Variants in SNX29 observed in about 807,000 individuals in gnomAD.
SNX29 encodes the protein sorting nexin-29.
In SNX29, 78 loss-of-function variants were observed where a neutral mutation model predicts 102.1. The observed-to-expected ratio is 0.76, with a 90% confidence interval of 0.64 to 0.92. The LOEUF is 0.92. Among genes scored for constraint, SNX29 ranks in the 40% least tolerant of loss-of-function variants. SNX29 has a pLI of 0.00. For missense variants in SNX29, 1,280 were observed against 1,061.7 expected (o/e 1.21, Z -2.86); for synonymous variants, 580 against 414.5 (o/e 1.40, Z -4.85).
At chr16:12,040,820 CA>C (rs1256071065) in intron 4 of SNX29, among the ~76,000 whole-genome samples, 1 of 152,156 alleles carries the variant, frequency 6.6e-6, no homozygotes, top group Non-Finnish European at 1.5e-5. Context: ...TACACTCATA[CA>C]ATATGATGTG....
intron 18 of SNX29, among the ~76,000 whole-genome samples, chr16:12,446,763 C>T (rs2086073384): frequency 6.6e-6 from 1 of 152,128 alleles, no homozygotes; most frequent in Non-Finnish European, 1.5e-5. Flanking sequence ...GAATCGGCTC[C>T]AGTATGTACT....
rs548617512 is a variant in SNX29, at chr16:12,328,124, C to G, written c.1783-28039C>G. 9.9e-5 allele frequency among the ~76,000 whole-genome samples: 15 copies of G among 152,240 alleles called. No homozygotes were observed. The East Asian group carries it at 2.7e-3, about 27-fold the overall frequency. ...GCTGCACATACCTCTCCCTTGTAGT[C>G]GTGGGAAGATTGAGAATCTGCATAT... On this transcript the variant is annotated intron_variant, in intron 15 of 20. Coordinates refer to ENST00000566228, the MANE Select transcript of SNX29 (RefSeq NM_032167.5).
intron 20 of SNX29, among the ~76,000 whole-genome samples, chr16:12,544,546 T>C (rs73508565): frequency 0.087 from 13,267 of 152,242 alleles, 884 homozygotes; most frequent in South Asian, 0.21. Context: ...GAACATTCTC[T>C]GGAATGTTAC....
At chr16:12,481,749 G>A (rs1283502893) in intron 19 of SNX29, among the ~76,000 whole-genome samples, 2 of 152,182 alleles carry the variant, frequency 1.3e-5, no homozygotes, top group Admixed American at 6.5e-5. Flanking sequence ...TGGCCAGGCT[G>A]TTCTCAAACT....
intron 3 of SNX29, among the ~76,000 whole-genome samples, chr16:12,011,020 G>T (rs2056631819): frequency 6.6e-6 from 1 of 151,940 alleles, no homozygotes; most frequent in African/African-American, 2.4e-5. Context: ...TTGAGGTGTT[G>T]ACTGGATGTT....
intron 17 of SNX29, 51 bp downstream of exon 17, chr16:12,398,552 T>C: frequency 1.2e-6 from 2 of 1,603,030 alleles, no homozygotes; most frequent in South Asian, 2.2e-5. Context: ...CTGGACTCTG[T>C]TGTTGGCTTC....
chr16:12,203,364 A>T (rs528603907), intron 14 of SNX29, among the ~76,000 whole-genome samples: 1 of 151,830 alleles, frequency 6.6e-6, no homozygotes, highest in African/African-American at 2.4e-5. Flanking sequence ...GACTGGTGGC[A>T]TTGGAGGTGA....
At chr16:12,546,063 C>G (rs940366315) in intron 20 of SNX29, among the ~76,000 whole-genome samples, 2 of 152,146 alleles carry the variant, frequency 1.3e-5, no homozygotes, top group Non-Finnish European at 1.5e-5. Flanking sequence ...GTGAAGCAGT[C>G]CTGGGTTTGA....
At chr16:12,535,678 A>G (rs746047465) in intron 20 of SNX29, among the ~76,000 whole-genome samples, 18 of 152,306 alleles carry the variant, frequency 1.2e-4, no homozygotes, top group Non-Finnish European at 2.2e-4. Context: ...GGGGCTTTCC[A>G]GGTCCTGCAT....
intron 16 of SNX29, among the ~76,000 whole-genome samples, chr16:12,390,100 A>G (rs7188646): frequency 0.029 from 4,445 of 151,736 alleles, 199 homozygotes; most frequent in African/African-American, 0.092. Flanking sequence ...TGTTGATATA[A>G]AGAGGATGGC....
intron 14 of SNX29, among the ~76,000 whole-genome samples, chr16:12,243,006 AGAGGCCCCTGGCTGTG>A (rs2078158363): frequency 6.6e-6 from 1 of 152,102 alleles, no homozygotes; most frequent in Non-Finnish European, 1.5e-5. Flanking sequence ...TCATCTTTGG[AGAGGCCCCTGGCTGTG>A]GAGGCTCCTG....
chr16:12,367,981 T>A (rs2082546432), intron 16 of SNX29, among the ~76,000 whole-genome samples: 2 of 152,228 alleles, frequency 1.3e-5, no homozygotes, highest in Non-Finnish European at 2.9e-5. Context: ...AGCATCTCTT[T>A]GGGCCTAGCT....
At chr16:12,075,181 G>A (rs563338456) in intron 10 of SNX29, among the ~76,000 whole-genome samples, 10 of 152,274 alleles carry the variant, frequency 6.6e-5, no homozygotes, top group East Asian at 5.8e-4. Flanking sequence ...GTCATTCTCC[G>A]TCCAGCTTTG....
chr16:12,567,970 G>T (rs559778795), intron 20 of SNX29, among the ~76,000 whole-genome samples: 1 of 152,116 alleles, frequency 6.6e-6, no homozygotes, highest in Admixed American at 6.5e-5. Flanking sequence ...CCCTCTTGGT[G>T]TTATCTTCCA....
At chr16:12,555,577 CATTTCTCCCTGT>C (rs2078284331) in intron 20 of SNX29, among the ~76,000 whole-genome samples, 1 of 151,864 alleles carries the variant, frequency 6.6e-6, no homozygotes. Context: ...CTCTCACCTC[CATTTCTCCCTGT>C]ACCCAGCAGC....
chr16:12,545,147 A>G (rs2077530396), intron 20 of SNX29, among the ~76,000 whole-genome samples: 1 of 152,204 alleles, frequency 6.6e-6, no homozygotes. Context: ...ACAGCTATGA[A>G]GTACAGACAC....
chr16:12,545,297 T>C (rs1257319886), intron 20 of SNX29, among the ~76,000 whole-genome samples: 1 of 152,100 alleles, frequency 6.6e-6, no homozygotes, highest in East Asian at 1.9e-4. Flanking sequence ...TCGCCCTCTT[T>C]ACATCTGGAA....
At chr16:12,491,122 G>A (rs1247282794) in intron 19 of SNX29, among the ~76,000 whole-genome samples, 1 of 152,200 alleles carries the variant, frequency 6.6e-6, no homozygotes, top group Non-Finnish European at 1.5e-5. Flanking sequence ...TACACTTGCC[G>A]ATAGTCTATG....
intron 20 of SNX29, among the ~76,000 whole-genome samples, chr16:12,548,996 T>C (rs1055470748): frequency 6.6e-6 from 1 of 152,226 alleles, no homozygotes; most frequent in Non-Finnish European, 1.5e-5. Context: ...TCCCGTGCTT[T>C]GGGTCCGTTG....
Sources: allele counts gnomAD v4.1 joint callset (sites outside exome capture counted in the v4.1 genomes callset), GRCh38; gene constraint gnomAD v4.1.1; transcripts MANE v1.5; gene names NCBI Gene and HGNC (gene_info 2026-07-23, HGNC 2026-07-21).